NR5A2: variants seen among roughly 807,000 people sequenced by gnomAD.
The protein encoded by NR5A2 is CYP7A promoter-binding factor.
Under a neutral mutation model 62.7 loss-of-function variants are expected in NR5A2, and 26 were observed. The observed-to-expected ratio is 0.41, with a 90% CI of 0.30 to 0.58. The LOEUF (loss-of-function observed/expected upper bound fraction) is 0.58, where lower values mean the gene tolerates loss of function less well. Among genes scored for constraint, NR5A2 ranks in the 20% least tolerant of loss-of-function variants. The pLI is 0.22. For missense variants in NR5A2, 541 were observed against 669.1 expected, an observed-to-expected ratio of 0.81 and a Z score of 2.11; for synonymous variants, 246 against 241.7, an observed-to-expected ratio of 1.02 and a Z score of -0.16.
rs10919809 is a variant in NR5A2, at chr1:200,098,756, G to A, written c.1111-12446G>A. ...CAGGGTGTGATTCAGCATGTAACAG[G>A]ATGGGGGTGTCCCCAGTCCAGGTAA... On this transcript the variant is annotated intron_variant, in intron 5 of 7. Transcript: ENST00000367362. Among the ~76,000 whole-genome samples the A allele has an allele frequency of 3.5e-4, 54 of 152,326 alleles. 1 individual carries two copies. The highest frequency in any genetic ancestry group is 1.3e-3 in the African/African-American group (52 of 41,578).
chr1:200,130,886 G>A (rs1666943396), intron 7 of NR5A2, among the ~76,000 whole-genome samples: 1 of 152,152 alleles, frequency 6.6e-6, no homozygotes, highest in Admixed American at 6.5e-5. Flanking sequence ...CATGAAGTCA[G>A]ATAAGCAAAA....
intron 5 of NR5A2, among the ~76,000 whole-genome samples, chr1:200,101,079 A>C (rs1665343232): frequency 6.6e-6 from 1 of 152,282 alleles, no homozygotes; most frequent in East Asian, 1.9e-4. Flanking sequence ...TCTTTTCTTA[A>C]GGATGTGACA....
chr1:200,160,269 C>A (rs1214227978), intron 7 of NR5A2, among the ~76,000 whole-genome samples: 2 of 152,210 alleles, frequency 1.3e-5, no homozygotes, highest in African/African-American at 4.8e-5. Context: ...GTAGAAATAT[C>A]TAGAAGACTA....
intron 1 of NR5A2, among the ~76,000 whole-genome samples, chr1:200,038,433 C>T (rs1002398083): frequency 6.6e-6 from 1 of 152,158 alleles, no homozygotes; most frequent in Non-Finnish European, 1.5e-5. Flanking sequence ...GAGCTCTTGG[C>T]TTGTGGCCCG....
At chr1:200,057,077 A>G (rs1340986300) in intron 5 of NR5A2, among the ~76,000 whole-genome samples, 1 of 152,224 alleles carries the variant, frequency 6.6e-6, no homozygotes, top group East Asian at 1.9e-4. Context: ...GACCTTCTCT[A>G]ATTACACAAA....
chr1:200,052,743 G>T (rs550996998), intron 5 of NR5A2, among the ~76,000 whole-genome samples: 10 of 152,052 alleles, frequency 6.6e-5, no homozygotes, highest in African/African-American at 1.4e-4. Flanking sequence ...TTGGGTTCAC[G>T]CCATTCTCCT....
At chr1:200,055,521 CTG>C (rs773678535) in intron 5 of NR5A2, among the ~76,000 whole-genome samples, 9 of 152,152 alleles carry the variant, frequency 5.9e-5, no homozygotes, top group Non-Finnish European at 1.0e-4. Context: ...GAAAGAGAAA[CTG>C]AGAGAGAGGA....
Position 200,048,267 on chromosome 1 carries a change from C to A in NR5A2, c.559C>A (p.Arg187=), listed in dbSNP as rs987961515. Residue 187 remains arginine (R), a synonymous_variant, in exon 5 of 8, where the codon CGA becomes AGA. Coordinates refer to ENST00000367362, the MANE Select transcript of NR5A2 (RefSeq NM_205860.3). The surrounding 1 kb of genome is among the most constrained non-coding windows in gnomAD (Gnocchi z 4.8). ...ALKQQKKALI[R]ANGLKLEAMS... Reference sequence around the variant, plus strand: ...GAAGCAACAGAAAAAAGCCCTCATCCGAGCCAATGGACTTAAGCTAGAAGC... The same window carrying A: ...GAAGCAACAGAAAAAAGCCCTCATCAGAGCCAATGGACTTAAGCTAGAAGC... 6.2e-7 allele frequency: 1 copy of A among 1,614,004 alleles called. No individual in the cohort carries two copies. Among genetic ancestry groups the A allele is most frequent in the Admixed American group, 1.7e-5 (1 of 59,996 alleles).
At chr1:200,057,024 G>A (rs1662945119) in intron 5 of NR5A2, among the ~76,000 whole-genome samples, 1 of 152,198 alleles carries the variant, frequency 6.6e-6, no homozygotes. Context: ...TTCCTGTTCT[G>A]ATGAGGATGT....
At chr1:200,140,837 C>T (rs1667412688) in intron 7 of NR5A2, among the ~76,000 whole-genome samples, 1 of 152,154 alleles carries the variant, frequency 6.6e-6, no homozygotes, top group Admixed American at 6.6e-5. Context: ...TTGAGACCAG[C>T]CTGACCAACA....
chr1:200,111,240 T>C lies in NR5A2; in HGVS notation c.1149T>C (p.Ser383=). 6.2e-7 allele frequency: 1 copy of C among 1,613,128 alleles called. No individual in the cohort carries two copies. The highest frequency in any genetic ancestry group is 8.5e-7 in the Non-Finnish European group (1 of 1,179,802). ...DQMKLLQNCW[S]ELLILDHIYR... ...TGAAGCTGCTTCAGAACTGCTGGAG[T>C]GAGCTCTTAATCCTCGACCACATTT... Residue 383 remains serine (S), a synonymous_variant, in exon 6 of 8, where the codon AGT becomes AGC. Transcript: ENST00000367362.
chr1:200,108,081 C>CGTGTGTGTGTGTGTGTGTGT lies in NR5A2; in HGVS notation c.1111-3106_1111-3087dup, dbSNP rs71132660. ...TGATGAGATGGCTCTAGAAGACATA[C>CGTGTGTGTGTGTGTGTGTGT]GTGTGTGTGTGTGTGTGTGTGTGTG... On this transcript the variant is annotated intron_variant, in intron 5 of 7. Transcript: ENST00000367362. Among the ~76,000 whole-genome samples the CGTGTGTGTGTGTGTGTGTGT allele has an allele frequency of 2.0e-3, 289 of 146,872 alleles. 7 individuals are homozygous for CGTGTGTGTGTGTGTGTGTGT. The East Asian group carries it at 0.031, about 16-fold the overall frequency.
chr1:200,056,562 A>G (rs1485311268), intron 5 of NR5A2, among the ~76,000 whole-genome samples: 2 of 152,212 alleles, frequency 1.3e-5, no homozygotes, highest in East Asian at 1.9e-4. Flanking sequence ...TACTTTTAAA[A>G]AGAAGTAAAT....
chr1:200,079,021 A>G (rs1664168396), intron 5 of NR5A2, among the ~76,000 whole-genome samples: 1 of 152,220 alleles, frequency 6.6e-6, no homozygotes, highest in Non-Finnish European at 1.5e-5. Flanking sequence ...CATAGCAACT[A>G]TAAGGCATGA....
chr1:200,049,251 T>G (rs1370908430), intron 5 of NR5A2, among the ~76,000 whole-genome samples: 1 of 152,152 alleles, frequency 6.6e-6, no homozygotes, highest in Non-Finnish European at 1.5e-5. Context: ...ATGCCAACAT[T>G]TAGTAGTGTT....
chr1:200,117,449 T>C (rs957918927), intron 6 of NR5A2, among the ~76,000 whole-genome samples: 10 of 152,238 alleles, frequency 6.6e-5, no homozygotes, highest in African/African-American at 2.2e-4. Flanking sequence ...AATTTGTTGG[T>C]AAACCAATTG....
At chr1:200,135,845 A>C (rs537617726) in intron 7 of NR5A2, among the ~76,000 whole-genome samples, 2 of 152,340 alleles carry the variant, frequency 1.3e-5, no homozygotes, top group East Asian at 1.9e-4. Context: ...AGTCATAGAA[A>C]TGAAGGCTGC....
At chr1:200,042,162 TTAA>T (rs1390478957) in intron 2 of NR5A2, among the ~76,000 whole-genome samples, 1 of 152,004 alleles carries the variant, frequency 6.6e-6, no homozygotes. Context: ...CATCCCTTTA[TTAA>T]TATTTCACGA....
In NR5A2 at chr1:200,045,425, A is replaced by G. The variant is rs1662314559; in HGVS notation, c.322-18A>G. Reference sequence around the variant, plus strand: ...TGTTAGATTTATAATACGTCTCACTATTTTCTCTGTCTTATAGGGATTTTT... The same window carrying G: ...TGTTAGATTTATAATACGTCTCACTGTTTTCTCTGTCTTATAGGGATTTTT... On this transcript the variant is annotated intron_variant, in intron 3 of 7. Transcript: ENST00000367362. The G allele has an allele frequency of 6.4e-7, 1 of 1,565,642 alleles. No homozygotes were observed. Among genetic ancestry groups the G allele is most frequent in the South Asian group, 1.2e-5 (1 of 83,368 alleles).
Sources: gnomAD v4.1 joint callset for allele counts (sites outside exome capture counted in the v4.1 genomes callset) on GRCh38, gnomAD v4.1.1 for gene constraint, Gnocchi (gnomAD v3.1) non-coding constraint, MANE v1.5 for transcripts, NCBI Gene and HGNC (gene_info 2026-07-23, HGNC 2026-07-21) for gene names.